The following SLC35F1 variants were observed in gnomAD, a reference collection of about 807,000 sequenced individuals.
The protein encoded by SLC35F1 is solute carrier family 35 member F1.
SLC35F1 carries 14 observed loss-of-function variants against 48.7 expected under a neutral mutation model. The ratio of observed to expected loss-of-function variants is 0.29; its 90% CI spans 0.19 to 0.45. The LOEUF (loss-of-function observed/expected upper bound fraction) is 0.45, where lower values mean the gene tolerates loss of function less well. Among genes scored for constraint, SLC35F1 ranks in the 20% least tolerant of loss-of-function variants. SLC35F1 has a pLI of 1.00. For missense variants in SLC35F1, 404 were observed against 500.0 expected, an observed-to-expected ratio of 0.81 and a Z score of 1.83; for synonymous variants, 190 against 202.2, an observed-to-expected ratio of 0.94 and a Z score of 0.51.
chr6:118,240,277 A>G (rs546925155), intron 3 of SLC35F1, among the ~76,000 whole-genome samples: 3 of 152,346 alleles, frequency 2.0e-5, no homozygotes, highest in Admixed American at 6.5e-5. Flanking sequence ...CAGAGATGAT[A>G]GTTGAAGAAA....
At chr6:118,173,812 G>T (rs1774447016) in intron 2 of SLC35F1, among the ~76,000 whole-genome samples, 1 of 152,140 alleles carries the variant, frequency 6.6e-6, no homozygotes, top group African/African-American at 2.4e-5. Flanking sequence ...CAGGACTGGA[G>T]AGCAAAGAGA....
intron 6 of SLC35F1, among the ~76,000 whole-genome samples, chr6:118,282,902 G>T (rs979403962): frequency 1.3e-5 from 2 of 152,118 alleles, no homozygotes; most frequent in African/African-American, 4.8e-5. Context: ...CATTCTAACT[G>T]GTCTCTGTAA....
rs1776406305 is a variant in SLC35F1, at chr6:118,314,270, C to T, written c.*18C>T. On this transcript the variant is annotated 3_prime_UTR_variant, in exon 8 of 8. Transcript: ENST00000360388. ...TGGCCTAGGGTGAGGCCCGCCCTGC[C>T]AACTGAGGCCAACTCATTGGCCATG... The T allele has an allele frequency of 6.2e-7, 1 of 1,604,944 alleles. No individual in the cohort carries two copies. Among genetic ancestry groups the T allele is most frequent in the Non-Finnish European group, 8.5e-7 (1 of 1,171,968 alleles).
chr6:118,136,283 T>C (rs1019331517), intron 1 of SLC35F1, among the ~76,000 whole-genome samples: 1 of 152,222 alleles, frequency 6.6e-6, no homozygotes, highest in South Asian at 2.1e-4. Flanking sequence ...TGCTAACTCA[T>C]TGAGCATGCT....
chr6:118,163,744 T>G (rs1249222412), intron 2 of SLC35F1, among the ~76,000 whole-genome samples: 1 of 152,246 alleles, frequency 6.6e-6, no homozygotes, highest in African/African-American at 2.4e-5. Flanking sequence ...ATAAGTCCCC[T>G]TCTGCCAAAA....
At chr6:117,957,777 G>C (rs973510025) in intron 1 of SLC35F1, among the ~76,000 whole-genome samples, 1 of 152,210 alleles carries the variant, frequency 6.6e-6, no homozygotes, top group Non-Finnish European at 1.5e-5. Context: ...CAAACCTGCT[G>C]TGTTGCCAGT....
chr6:118,163,564 C>T (rs1251603316), intron 2 of SLC35F1, among the ~76,000 whole-genome samples: 1 of 152,168 alleles, frequency 6.6e-6, no homozygotes, highest in African/African-American at 2.4e-5. Context: ...GGCTGTCTGC[C>T]TGTTTTATCT....
chr6:118,129,921 G>A (rs965160853), intron 1 of SLC35F1, among the ~76,000 whole-genome samples: 1 of 152,136 alleles, frequency 6.6e-6, no homozygotes. Flanking sequence ...AGAACACTGG[G>A]TAAGTGTCAT....
intron 1 of SLC35F1, among the ~76,000 whole-genome samples, chr6:117,997,790 G>A (rs1777018083): frequency 6.6e-6 from 1 of 152,146 alleles, no homozygotes; most frequent in Non-Finnish European, 1.5e-5. Flanking sequence ...AACATGGAAA[G>A]GAACAACCGG....
At chr6:118,267,651 A>C (rs1775792056) in intron 4 of SLC35F1, among the ~76,000 whole-genome samples, 1 of 152,224 alleles carries the variant, frequency 6.6e-6, no homozygotes, top group Admixed American at 6.5e-5. Context: ...CGAGTAAATA[A>C]AGTTTGAGGA....
chr6:118,208,442 A>G (rs575011758), intron 2 of SLC35F1, among the ~76,000 whole-genome samples: 2 of 152,228 alleles, frequency 1.3e-5, no homozygotes, highest in African/African-American at 4.8e-5. Context: ...TTTGACCAAG[A>G]CATTTATTAT....
intron 1 of SLC35F1, among the ~76,000 whole-genome samples, chr6:118,153,154 AT>A (rs1363453960): frequency 3.3e-5 from 5 of 152,220 alleles, no homozygotes. Context: ...TTCCAGAAAA[AT>A]GGACTCACAT....
At chr6:118,194,689 T>A (rs1403774802) in intron 2 of SLC35F1, among the ~76,000 whole-genome samples, 1 of 152,126 alleles carries the variant, frequency 6.6e-6, no homozygotes, top group Non-Finnish European at 1.5e-5. Flanking sequence ...TAATCAAAAC[T>A]TTACAGAGGA....
chr6:117,907,818 C>A lies in SLC35F1; in HGVS notation c.92C>A (p.Ala31Asp). The A allele has an allele frequency of 6.5e-7, 1 of 1,548,742 alleles. No homozygotes were observed. Residue 31 changes from alanine (A) to aspartate (D), a missense_variant, in exon 1 of 8, where the codon GCC becomes GAC. By Grantham distance (126) the Ala-to-Asp change is moderately radical. Coordinates refer to ENST00000360388, the MANE Select transcript of SLC35F1 (RefSeq NM_001029858.4). ...HVVTTIENLP[A>D]EGSGGGGSLS... ...GTGACCACCATCGAGAACCTGCCGG[C>A]CGAGGGCAGCGGCGGCGGCGGGAGC...
Position 118,154,435 on chromosome 6 carries a change from T to A in SLC35F1, c.174-10T>A. On this transcript the variant is annotated splice_polypyrimidine_tract_variant and intron_variant, in intron 1 of 7. Transcript: ENST00000360388. ...GACCTTTGCTGTGTTTTTTTTCCTT[T>A]ATTTCTCAGGGAGATGTTAATCTCT... 1 of 1,590,764 alleles carries A rather than the reference T, an allele frequency of 6.3e-7. No homozygotes were observed. Among genetic ancestry groups the A allele is most frequent in the Non-Finnish European group, 8.6e-7 (1 of 1,168,398 alleles).
At chr6:118,272,764 T>A in intron 4 of SLC35F1, among the ~76,000 whole-genome samples, 1 of 121,010 alleles carries the variant, frequency 8.3e-6, no homozygotes, top group East Asian at 2.1e-4. Context: ...TATATATATA[T>A]GTATATATAT....
chr6:118,006,094 A>G (rs1011618807), intron 1 of SLC35F1, among the ~76,000 whole-genome samples: 1 of 152,206 alleles, frequency 6.6e-6, no homozygotes, highest in Non-Finnish European at 1.5e-5. Context: ...TCAAGTACTT[A>G]GCATAATCCA....
Position 117,995,740 on chromosome 6 carries a change from C to T in SLC35F1, c.173+87841C>T, listed in dbSNP as rs986094309. On this transcript the variant is annotated intron_variant, in intron 1 of 7. Transcript: ENST00000360388. ...TGGGTTACAGAGCAAGACTCTGTCT[C>T]GAAAAAATAAATAAATGAAATAAAT... Among the ~76,000 whole-genome samples, 3 of 149,148 alleles carry T rather than the reference C, an allele frequency of 2.0e-5. No individual in the cohort carries two copies. In the East Asian group the frequency reaches 5.9e-4, roughly 29 times the overall value.
At chr6:117,970,335 C>A (rs1055995901) in intron 1 of SLC35F1, among the ~76,000 whole-genome samples, 13 of 152,352 alleles carry the variant, frequency 8.5e-5, no homozygotes, top group Non-Finnish European at 1.2e-4. Context: ...CAGGTATAGC[C>A]TCTGTTATTC....
Sources: gnomAD v4.1 joint callset for allele counts (sites outside exome capture counted in the v4.1 genomes callset) on GRCh38, gnomAD v4.1.1 for gene constraint, MANE v1.5 for transcripts, NCBI Gene and HGNC (gene_info 2026-07-23, HGNC 2026-07-21) for gene names.